The following LHFPL3 variants were observed in gnomAD, a reference collection of about 807,000 sequenced individuals.
LHFPL3 encodes LHFPL tetraspan subfamily member 3 protein.
In LHFPL3, 5 loss-of-function variants were observed where a neutral mutation model predicts 19.3. The ratio of observed to expected loss-of-function variants is 0.26; its 90% CI spans 0.14 to 0.54. LHFPL3 has a LOEUF of 0.54. Among genes scored for constraint, LHFPL3 ranks in the 20% least tolerant of loss-of-function variants. LHFPL3 has a pLI of 0.94. For missense variants in LHFPL3, 249 were observed against 307.4 expected (o/e 0.81, Z 1.42); for synonymous variants, 133 against 126.2 (o/e 1.05, Z -0.36).
chr7:104,333,171 A>G (rs187344717), intron 1 of LHFPL3, among the ~76,000 whole-genome samples: 73 of 152,300 alleles, frequency 4.8e-4, no homozygotes, highest in African/African-American at 1.7e-3. Flanking sequence ...CATTTTATAA[A>G]CCACACTTTG....
intron 1 of LHFPL3, among the ~76,000 whole-genome samples, chr7:104,516,511 A>C (rs1477123220): frequency 6.6e-6 from 1 of 152,188 alleles, no homozygotes; most frequent in African/African-American, 2.4e-5. Flanking sequence ...GCCAAAATTA[A>C]TTAATTTGAT....
chr7:104,879,023 G>C (rs372333624), intron 2 of LHFPL3, among the ~76,000 whole-genome samples: 1 of 152,146 alleles, frequency 6.6e-6, no homozygotes, highest in African/African-American at 2.4e-5. Context: ...TCCATTCTAC[G>C]AAGGCTGAGA....
At chr7:104,555,680 C>T (rs1183909083) in intron 1 of LHFPL3, among the ~76,000 whole-genome samples, 1 of 152,160 alleles carries the variant, frequency 6.6e-6, no homozygotes, top group Non-Finnish European at 1.5e-5. Context: ...CCTGGCTTCC[C>T]AAATCTCATG....
intron 1 of LHFPL3, among the ~76,000 whole-genome samples, chr7:104,431,236 A>C (rs552850551): frequency 2.0e-5 from 3 of 152,318 alleles, no homozygotes; most frequent in East Asian, 3.9e-4. Flanking sequence ...TCATCATAAC[A>C]GTCAAGAAAA....
At chr7:104,537,006 A>G (rs186775121) in intron 1 of LHFPL3, among the ~76,000 whole-genome samples, 2 of 152,350 alleles carry the variant, frequency 1.3e-5, no homozygotes, top group East Asian at 3.8e-4. Context: ...TTTAGGTTGC[A>G]GAAGATGCTT....
rs554024474 is a variant in LHFPL3 at position 104,612,923 on chromosome 7, C to T, written c.446-123752C>T. Among the ~76,000 whole-genome samples, 8 of 152,250 alleles carry T rather than the reference C, an allele frequency of 5.3e-5. No homozygotes were observed. The South Asian group carries it at 1.2e-3, about 24-fold the overall frequency. Reference sequence around the variant, plus strand: ...CAGAATTTTTCATATCAGTGTTTTCCCACACTACACTCAGCTCTCATGTTT... The same window carrying T: ...CAGAATTTTTCATATCAGTGTTTTCTCACACTACACTCAGCTCTCATGTTT... On this transcript the variant is annotated intron_variant, in intron 1 of 2. Transcript: ENST00000424859.
At chr7:104,457,824 G>A (rs1389920773) in intron 1 of LHFPL3, among the ~76,000 whole-genome samples, 8 of 143,098 alleles carry the variant, frequency 5.6e-5, no homozygotes, top group East Asian at 4.3e-4. Flanking sequence ...GTGTGAGATG[G>A]TATCTCATTG....
intron 2 of LHFPL3, among the ~76,000 whole-genome samples, chr7:104,853,865 G>A (rs1210912327): frequency 2.6e-5 from 4 of 152,102 alleles, no homozygotes; most frequent in Non-Finnish European, 4.4e-5. Context: ...TTCTAATCCT[G>A]TAGGGGGAAA....
At chr7:104,704,373 G>A (rs1358228569) in intron 1 of LHFPL3, among the ~76,000 whole-genome samples, 1 of 152,142 alleles carries the variant, frequency 6.6e-6, no homozygotes, top group Non-Finnish European at 1.5e-5. Flanking sequence ...CTCAAAACTT[G>A]ATAACATATT....
chr7:104,535,767 A>G (rs1794378470), intron 1 of LHFPL3, among the ~76,000 whole-genome samples: 1 of 152,238 alleles, frequency 6.6e-6, no homozygotes, highest in Admixed American at 6.5e-5. Context: ...GAGACAAGAA[A>G]GAAGAGATGC....
chr7:104,387,185 T>A (rs571198558), intron 1 of LHFPL3, among the ~76,000 whole-genome samples: 38 of 152,230 alleles, frequency 2.5e-4, no homozygotes, highest in African/African-American at 8.2e-4. Context: ...AGATTATTTT[T>A]AAAACTGAAT....
chr7:104,502,280 T>A (rs1793610195), intron 1 of LHFPL3, among the ~76,000 whole-genome samples: 1 of 152,200 alleles, frequency 6.6e-6, no homozygotes, highest in Admixed American at 6.5e-5. Context: ...GTTGTCTTTG[T>A]CCCATGGATT....
chr7:104,573,226 A>AACAT (rs1388637785), intron 1 of LHFPL3, among the ~76,000 whole-genome samples: 1 of 152,148 alleles, frequency 6.6e-6, no homozygotes, highest in African/African-American at 2.4e-5. Context: ...CAGCCTGGCC[A>AACAT]ACATAGTGAA....
intron 1 of LHFPL3, among the ~76,000 whole-genome samples, chr7:104,429,403 G>A (rs547747365): frequency 1.1e-3 from 165 of 149,298 alleles, no homozygotes; most frequent in African/African-American, 3.9e-3. Context: ...CTCCTTCTGG[G>A]TTCAAGCGAT....
chr7:104,373,705 G>A (rs1054176978), intron 1 of LHFPL3, among the ~76,000 whole-genome samples: 2 of 151,144 alleles, frequency 1.3e-5, no homozygotes, highest in Non-Finnish European at 2.9e-5. Flanking sequence ...AGGTGGGAGG[G>A]TGGGCAGTTC....
intron 1 of LHFPL3, among the ~76,000 whole-genome samples, chr7:104,593,037 C>T (rs1790760116): frequency 6.6e-6 from 1 of 152,146 alleles, no homozygotes. Context: ...TCTCTATTTC[C>T]TTCAGTTCTG....
At chr7:104,837,858 C>T (rs1298449482) in intron 2 of LHFPL3, among the ~76,000 whole-genome samples, 3 of 152,176 alleles carry the variant, frequency 2.0e-5, no homozygotes, top group East Asian at 1.9e-4. Context: ...ATACTTATCA[C>T]GGTGTTTGAT....
intron 2 of LHFPL3, among the ~76,000 whole-genome samples, chr7:104,904,788 A>C (rs951121534): frequency 1.4e-4 from 22 of 152,182 alleles, no homozygotes; most frequent in African/African-American, 5.1e-4. Context: ...CCCAATATAT[A>C]AGATACCCTT....
chr7:104,488,973 G>A (rs897122617), intron 1 of LHFPL3, among the ~76,000 whole-genome samples: 17 of 151,588 alleles, frequency 1.1e-4, no homozygotes, highest in East Asian at 1.9e-4. Context: ...CATGTGACCC[G>A]TGTAGTCACT....
Sources: gnomAD v4.1 joint callset for allele counts (sites outside exome capture counted in the v4.1 genomes callset) on GRCh38, gnomAD v4.1.1 for gene constraint, MANE v1.5 for transcripts, NCBI Gene and HGNC (gene_info 2026-07-23, HGNC 2026-07-21) for gene names.